The following DLGAP2 variants were observed in gnomAD, a reference collection of about 807,000 sequenced individuals.
DLGAP2 encodes DLG associated protein 2.
In DLGAP2, 26 loss-of-function variants were observed where a neutral mutation model predicts 100.3. The ratio of observed to expected loss-of-function variants is 0.26; its 90% CI spans 0.19 to 0.36. The LOEUF (loss-of-function observed/expected upper bound fraction) is 0.36. DLGAP2 is among the 10% of genes least tolerant of loss of function. The pLI is 1.00. For synonymous variants in DLGAP2, 886 were observed against 630.1 expected (o/e 1.41, Z -6.08); for missense variants, 1,858 against 1,453.2 (o/e 1.28, Z -4.53).
At chr8:1,583,902 C>G (rs936644539) in intron 6 of DLGAP2, among the ~76,000 whole-genome samples, 7 of 152,074 alleles carry the variant, frequency 4.6e-5, no homozygotes, top group Non-Finnish European at 1.0e-4. Context: ...CCTCGCTCCT[C>G]TGACTTGAAG....
intron 4 of DLGAP2, among the ~76,000 whole-genome samples, chr8:1,517,354 A>G (rs1305289124): frequency 6.6e-6 from 1 of 151,900 alleles, no homozygotes; most frequent in African/African-American, 2.4e-5. Flanking sequence ...GCCCAGGAGG[A>G]GCAGAGAGCA....
rs118053302 is a variant in DLGAP2 at position 1,359,647 on chromosome 8, C to T, written c.106+100764C>T. Among the ~76,000 whole-genome samples the T allele has an allele frequency of 2.1e-3, 315 of 152,340 alleles. 6 individuals are homozygous for T. The East Asian group carries it at 0.053, about 25-fold the overall frequency. On this transcript the variant is annotated intron_variant, in intron 3 of 14. Transcript: ENST00000637795. ...TCGGCGGCTGTCCCTGTGGGTGATG[C>T]GGTGGCGCTGGCAGATAGCCATCCC...
intron 3 of DLGAP2, among the ~76,000 whole-genome samples, chr8:1,445,942 CT>C (rs1162860008): frequency 3.3e-5 from 5 of 149,330 alleles, no homozygotes; most frequent in African/African-American, 1.2e-4. Context: ...GGGTCGTTTG[CT>C]TTTTTTCTTG....
chr8:1,215,521 G>A (rs1798197275), intron 2 of DLGAP2, among the ~76,000 whole-genome samples: 1 of 1,296 alleles, frequency 7.7e-4, no homozygotes, highest in African/African-American at 3.0e-3. Context: ...AGACGTCCAG[G>A]TACCTGGATG....
At chr8:1,674,150 C>T (rs570886973) in intron 10 of DLGAP2, among the ~76,000 whole-genome samples, 4 of 152,186 alleles carry the variant, frequency 2.6e-5, no homozygotes, top group Non-Finnish European at 4.4e-5. Context: ...GTGTCCTGGG[C>T]TCAAGTGATC....
intron 3 of DLGAP2, among the ~76,000 whole-genome samples, chr8:1,356,006 C>T (rs544404250): frequency 6.6e-6 from 1 of 152,212 alleles, no homozygotes; most frequent in Non-Finnish European, 1.5e-5. Flanking sequence ...TGTGTATTTC[C>T]CCCCTCCCTG....
At chr8:915,501 C>G (rs370251915) in intron 2 of DLGAP2, among the ~76,000 whole-genome samples, 2 of 151,436 alleles carry the variant, frequency 1.3e-5, no homozygotes, top group African/African-American at 2.4e-5. Flanking sequence ...GAGCCGAGAT[C>G]GCACCACTGC....
intron 2 of DLGAP2, among the ~76,000 whole-genome samples, chr8:957,112 A>T (rs1209306252): frequency 2.0e-5 from 3 of 152,214 alleles, no homozygotes; most frequent in African/African-American, 7.2e-5. Context: ...GTTTTCTTAA[A>T]GAATCAGAGT....
intron 4 of DLGAP2, among the ~76,000 whole-genome samples, chr8:1,537,108 G>C (rs62487195): frequency 0.011 from 1,487 of 135,266 alleles, 23 homozygotes; most frequent in African/African-American, 0.039. Context: ...GGTGTGTGGT[G>C]TGTGGTATGT....
intron 2 of DLGAP2, among the ~76,000 whole-genome samples, chr8:1,127,504 C>G (rs1230182766): frequency 6.6e-6 from 1 of 152,100 alleles, no homozygotes; most frequent in Non-Finnish European, 1.5e-5. Context: ...TGCTGTGGCT[C>G]CCAGGCTCAT....
At chr8:1,510,105 C>T (rs1298073580) in intron 4 of DLGAP2, among the ~76,000 whole-genome samples, 2 of 152,214 alleles carry the variant, frequency 1.3e-5, no homozygotes, top group African/African-American at 4.8e-5. Flanking sequence ...GGATTTGCCC[C>T]TTTAACTGCC....
At chr8:1,411,071 A>G (rs1199961990) in intron 3 of DLGAP2, among the ~76,000 whole-genome samples, 1 of 152,168 alleles carries the variant, frequency 6.6e-6, no homozygotes, top group Non-Finnish European at 1.5e-5. Context: ...CACCGTGGAA[A>G]GCTACCTGCA....
chr8:973,240 G>A (rs544979503), intron 2 of DLGAP2, among the ~76,000 whole-genome samples: 8 of 149,514 alleles, frequency 5.4e-5, no homozygotes, highest in East Asian at 2.0e-4. Context: ...GCGGCTGGCC[G>A]GGCGGAGGCT....
chr8:1,187,250 T>C (rs1001755972), intron 2 of DLGAP2, among the ~76,000 whole-genome samples: 3 of 151,796 alleles, frequency 2.0e-5, no homozygotes, highest in Non-Finnish European at 4.4e-5. Flanking sequence ...CCTCATGGAA[T>C]CTCACACACA....
At chr8:1,436,786 G>C (rs11782720) in intron 3 of DLGAP2, among the ~76,000 whole-genome samples, 35,528 of 151,840 alleles carry the variant, frequency 0.23, 4,978 homozygotes, top group East Asian at 0.57. Context: ...GAGCAGCTTC[G>C]GGTTCTGCAA....
At chr8:830,255 GTCAGTGGGGTATCCATCCCC>G (rs1796756444) in intron 1 of DLGAP2, among the ~76,000 whole-genome samples, 1 of 152,098 alleles carries the variant, frequency 6.6e-6, no homozygotes, top group African/African-American at 2.4e-5. Flanking sequence ...TCACATCAGG[GTCAGTGGGGTATCCATCCCC>G]TCAAGCATTT....
At chr8:1,638,392 A>T (rs1797818804) in intron 8 of DLGAP2, among the ~76,000 whole-genome samples, 1 of 152,120 alleles carries the variant, frequency 6.6e-6, no homozygotes. Flanking sequence ...CGGCATGTGC[A>T]CACCCAGGAG....
At chr8:1,106,080 A>G (rs1288284866) in intron 2 of DLGAP2, among the ~76,000 whole-genome samples, 1 of 144,206 alleles carries the variant, frequency 6.9e-6, no homozygotes, top group Admixed American at 6.9e-5. Flanking sequence ...GAGGGGAGCC[A>G]TTCTAGGAGG....
At chr8:1,146,309 G>A (rs888349165) in intron 2 of DLGAP2, among the ~76,000 whole-genome samples, 2 of 152,170 alleles carry the variant, frequency 1.3e-5, no homozygotes, top group South Asian at 2.1e-4. Flanking sequence ...ATGGAGTCCC[G>A]TGCTCATTTT....
Sources: gnomAD v4.1 joint callset for allele counts (sites outside exome capture counted in the v4.1 genomes callset) on GRCh38, gnomAD v4.1.1 for gene constraint, MANE v1.5 for transcripts, NCBI Gene and HGNC (gene_info 2026-07-23, HGNC 2026-07-21) for gene names.